Variants in AGBL4 observed in about 807,000 individuals in gnomAD.
AGBL4 encodes the protein AGBL carboxypeptidase 4.
AGBL4 carries 58 observed loss-of-function variants against 66.4 expected under a neutral mutation model. The ratio of observed to expected loss-of-function variants is 0.87; its 90% CI spans 0.71 to 1.09. AGBL4 has a LOEUF of 1.09. Ranked by LOEUF, AGBL4 falls within the 50% of genes least tolerant of loss-of-function variation. The pLI is 0.00. For missense variants in AGBL4, 579 were observed against 631.0 expected, an observed-to-expected ratio of 0.92 and a Z score of 0.88; for synonymous variants, 234 against 222.9, an observed-to-expected ratio of 1.05 and a Z score of -0.44.
intron 3 of AGBL4, among the ~76,000 whole-genome samples, chr1:49,618,080 C>T (rs951355054): frequency 3.9e-5 from 6 of 152,190 alleles, no homozygotes; most frequent in South Asian, 4.1e-4. Flanking sequence ...GTTCAACTCC[C>T]ACTTATGAGT....
At chr1:48,886,803 G>A (rs1266234518) in intron 5 of AGBL4, among the ~76,000 whole-genome samples, 1 of 152,062 alleles carries the variant, frequency 6.6e-6, no homozygotes, top group Non-Finnish European at 1.5e-5. Context: ...CGCCCGCCTC[G>A]GCCTCCCAAA....
intron 1 of AGBL4, among the ~76,000 whole-genome samples, chr1:49,940,945 A>G (rs916355682): frequency 6.6e-6 from 1 of 152,116 alleles, no homozygotes; most frequent in Non-Finnish European, 1.5e-5. Context: ...GAGAAGGAAA[A>G]AAGTTTCAAA....
chr1:49,084,125 T>C (rs7548657), intron 4 of AGBL4, among the ~76,000 whole-genome samples: 1 of 25,306 alleles, frequency 4.0e-5, no homozygotes, highest in African/African-American at 2.5e-4. Flanking sequence ...AAGTTCCAAA[T>C]TTCCCCACAT....
At chr1:48,832,910 A>G (rs1646589478) in intron 6 of AGBL4, among the ~76,000 whole-genome samples, 1 of 152,128 alleles carries the variant, frequency 6.6e-6, no homozygotes, top group Admixed American at 6.5e-5. Context: ...GGACTTGGAT[A>G]AGAATTTACA....
chr1:50,009,940 C>T (rs553989931), intron 1 of AGBL4, among the ~76,000 whole-genome samples: 11 of 152,020 alleles, frequency 7.2e-5, no homozygotes, highest in Non-Finnish European at 1.3e-4. Flanking sequence ...TTAACTTAAC[C>T]AAAGAAGTGA....
intron 3 of AGBL4, among the ~76,000 whole-genome samples, chr1:49,265,888 GAGAC>G (rs1643909684): frequency 6.6e-6 from 1 of 152,080 alleles, no homozygotes; most frequent in African/African-American, 2.4e-5. Flanking sequence ...AGGATATAGA[GAGAC>G]AGATCATATG....
chr1:48,536,471 G>T (rs1643972505), intron 12 of AGBL4, among the ~76,000 whole-genome samples: 1 of 152,222 alleles, frequency 6.6e-6, no homozygotes, highest in African/African-American at 2.4e-5. Context: ...ATACATAGTT[G>T]AGTACTTATA....
At chr1:49,272,407 T>C (rs903807162) in intron 3 of AGBL4, among the ~76,000 whole-genome samples, 24 of 152,194 alleles carry the variant, frequency 1.6e-4, no homozygotes, top group Admixed American at 1.1e-3. Context: ...AAACAAAGAC[T>C]AAATTAAAAA....
chr1:49,385,868 C>T (rs1286055153), intron 3 of AGBL4, among the ~76,000 whole-genome samples: 1 of 151,936 alleles, frequency 6.6e-6, no homozygotes, highest in African/African-American at 2.4e-5. Context: ...TCTACTTAGG[C>T]AAAAATGAGA....
At chr1:49,047,421 T>C (rs999730022) in intron 4 of AGBL4, among the ~76,000 whole-genome samples, 3 of 152,124 alleles carry the variant, frequency 2.0e-5, no homozygotes, top group African/African-American at 7.2e-5. Context: ...ATAGAGTCCA[T>C]TTGCCTCCTA....
rs548458215 is a variant in AGBL4, at chr1:48,661,073, A to C, written c.724+2079T>G. 3.9e-5 allele frequency among the ~76,000 whole-genome samples: 6 copies of C among 152,268 alleles called. No homozygotes were observed. In the South Asian group the frequency reaches 1.2e-3, roughly 32 times the overall value. On this transcript the variant is annotated intron_variant, in intron 7 of 13. Coordinates refer to ENST00000371839, the MANE Select transcript of AGBL4 (RefSeq NM_032785.4). ...CCATTTGACAGATGTGGAAAATGAC[A>C]GTTGGAGACCAGCCCTAGACCTTAC...
At chr1:49,416,194 G>A (rs1645423176) in intron 3 of AGBL4, among the ~76,000 whole-genome samples, 1 of 151,994 alleles carries the variant, frequency 6.6e-6, no homozygotes. Flanking sequence ...CAAATTAAGA[G>A]TTAAAAATTG....
chr1:49,771,722 G>C (rs1644063765), intron 2 of AGBL4, among the ~76,000 whole-genome samples: 1 of 151,802 alleles, frequency 6.6e-6, no homozygotes, highest in Admixed American at 6.6e-5. Flanking sequence ...TTATTGAATT[G>C]CTCCCTTTAT....
At chr1:48,720,425 T>C (rs1473192301) in intron 6 of AGBL4, among the ~76,000 whole-genome samples, 2 of 152,178 alleles carry the variant, frequency 1.3e-5, no homozygotes, top group African/African-American at 2.4e-5. Context: ...TAAGGTAGCA[T>C]CTAGCATGAT....
intron 3 of AGBL4, among the ~76,000 whole-genome samples, chr1:49,364,508 TCTC>T (rs1164649620): frequency 6.6e-6 from 1 of 151,990 alleles, no homozygotes; most frequent in African/African-American, 2.4e-5. Flanking sequence ...AGACATTGTC[TCTC>T]ATTGTTGCCC....
At chr1:49,813,006 T>G (rs2147974390) in intron 2 of AGBL4, among the ~76,000 whole-genome samples, 1 of 152,210 alleles carries the variant, frequency 6.6e-6, no homozygotes, top group East Asian at 2.0e-4. Flanking sequence ...GCGCATCACC[T>G]GCAAGAAACT....
At chr1:49,674,571 T>TGCACACAC (rs141503593) in intron 3 of AGBL4, among the ~76,000 whole-genome samples, 2 of 143,794 alleles carry the variant, frequency 1.4e-5, no homozygotes, top group South Asian at 4.5e-4. Flanking sequence ...AAGAATAAAA[T>TGCACACAC]ACACACACAC....
intron 3 of AGBL4, among the ~76,000 whole-genome samples, chr1:49,546,059 G>C (rs1448166263): frequency 6.6e-6 from 1 of 151,902 alleles, no homozygotes; most frequent in East Asian, 1.9e-4. Flanking sequence ...GTCCCCACAG[G>C]CCATTGTATC....
At chr1:48,669,865 C>T (rs1460799359) in intron 6 of AGBL4, among the ~76,000 whole-genome samples, 1 of 152,170 alleles carries the variant, frequency 6.6e-6, no homozygotes, top group African/African-American at 2.4e-5. Context: ...GTGGTGTTGG[C>T]AAGATTTATT....
Sources: gnomAD v4.1 joint callset for allele counts (sites outside exome capture counted in the v4.1 genomes callset) on GRCh38, gnomAD v4.1.1 for gene constraint, MANE v1.5 for transcripts, NCBI Gene and HGNC (gene_info 2026-07-23, HGNC 2026-07-21) for gene names.